ZDHHC17: variants seen among roughly 807,000 people sequenced by gnomAD.
ZDHHC17 encodes the protein zDHHC palmitoyltransferase 17.
ZDHHC17 carries 40 observed loss-of-function variants against 90.3 expected under a neutral mutation model. The ratio of observed to expected loss-of-function variants is 0.44; its 90% CI spans 0.34 to 0.58. The LOEUF is 0.58. ZDHHC17 is among the 20% of genes least tolerant of loss of function. The pLI, the probability that ZDHHC17 is intolerant of heterozygous loss-of-function variation, is 0.01. For synonymous variants in ZDHHC17, 235 were observed against 252.4 expected, an observed-to-expected ratio of 0.93 and a Z score of 0.65; for missense variants, 614 against 780.8, an observed-to-expected ratio of 0.79 and a Z score of 2.55.
At chr12:76,825,546 A>T (rs1953221038) in intron 8 of ZDHHC17, among the ~76,000 whole-genome samples, 1 of 152,152 alleles carries the variant, frequency 6.6e-6, no homozygotes, top group Non-Finnish European at 1.5e-5. Context: ...AAAGAATTGG[A>T]TTAGTTATTT....
intron 3 of ZDHHC17, among the ~76,000 whole-genome samples, chr12:76,808,670 G>T (rs905767766): frequency 6.6e-6 from 1 of 152,140 alleles, no homozygotes; most frequent in African/African-American, 2.4e-5. Context: ...GGCTTAAAAA[G>T]CTGAGCTACC....
intron 1 of ZDHHC17, among the ~76,000 whole-genome samples, chr12:76,779,570 C>T (rs1011690806): frequency 4.6e-5 from 7 of 152,124 alleles, no homozygotes; most frequent in South Asian, 4.1e-4. Context: ...TCCCATGACA[C>T]GTGGGAATTA....
At chr12:76,842,857 T>G in intron 11 of ZDHHC17, 62 bp from the exon 12 acceptor site, 1 of 1,209,432 alleles carries the variant, frequency 8.3e-7, no homozygotes, top group Non-Finnish European at 1.2e-6. Flanking sequence ...TTCATAGTGG[T>G]GGCAAAAGAG....
At chr12:76,850,741 T>G in intron 16 of ZDHHC17, 106 bp from the exon 17 acceptor site, 1 of 1,426,476 alleles carries the variant, frequency 7.0e-7, no homozygotes, top group Non-Finnish European at 9.4e-7. Context: ...TAACCTGAGT[T>G]TTTAAGTTTA....
intron 1 of ZDHHC17, among the ~76,000 whole-genome samples, chr12:76,769,531 T>C (rs141133106): frequency 5.9e-5 from 9 of 152,298 alleles, no homozygotes; most frequent in African/African-American, 2.2e-4. Context: ...TTTCTTCCCA[T>C]AGGTTACCTG....
At chr12:76,781,091 G>T (rs1043455634) in intron 1 of ZDHHC17, among the ~76,000 whole-genome samples, 1 of 134,750 alleles carries the variant, frequency 7.4e-6, no homozygotes, top group Non-Finnish European at 1.5e-5. Context: ...CCGAGATTGC[G>T]CCACTGCACT....
intron 7 of ZDHHC17, among the ~76,000 whole-genome samples, chr12:76,816,351 T>G (rs890516282): frequency 1.3e-5 from 2 of 152,058 alleles, no homozygotes; most frequent in Admixed American, 6.6e-5. Flanking sequence ...TCTAAACATT[T>G]AGAAATCAGT....
At chr12:76,838,150 C>CTT (rs1953391818) in intron 10 of ZDHHC17, among the ~76,000 whole-genome samples, 1 of 151,774 alleles carries the variant, frequency 6.6e-6, no homozygotes, top group South Asian at 2.1e-4. Context: ...TATGTTTAAG[C>CTT]TTTTATAGGA....
intron 1 of ZDHHC17, among the ~76,000 whole-genome samples, chr12:76,784,873 T>C (rs1952667421): frequency 6.6e-6 from 1 of 151,926 alleles, no homozygotes; most frequent in South Asian, 2.1e-4. Context: ...AATTCAGGAG[T>C]AAAGGTTGTG....
chr12:76,783,452 ACTGT>A (rs1283070495), intron 1 of ZDHHC17, among the ~76,000 whole-genome samples: 1 of 152,194 alleles, frequency 6.6e-6, no homozygotes, highest in East Asian at 1.9e-4. Flanking sequence ...AGATCTCATA[ACTGT>A]CTATTTATGA....
chr12:76,788,173 G>A (rs1195087408), intron 1 of ZDHHC17, among the ~76,000 whole-genome samples: 1 of 152,212 alleles, frequency 6.6e-6, no homozygotes, highest in Non-Finnish European at 1.5e-5. Flanking sequence ...CTCTCTAGAA[G>A]ATTGCCAGTC....
At chr12:76,792,660 A>C (rs753023902) in intron 1 of ZDHHC17, among the ~76,000 whole-genome samples, 1 of 152,118 alleles carries the variant, frequency 6.6e-6, no homozygotes, top group Non-Finnish European at 1.5e-5. Context: ...CTATTAAAAC[A>C]AACAAAAAAA....
At chr12:76,803,466 T>C (rs542781589) in intron 2 of ZDHHC17, among the ~76,000 whole-genome samples, 5 of 152,252 alleles carry the variant, frequency 3.3e-5, no homozygotes, top group South Asian at 2.1e-4. Context: ...TCTCGACTTA[T>C]ACCCACATCA....
chr12:76,827,272 A>G (rs1193113969), intron 9 of ZDHHC17, among the ~76,000 whole-genome samples: 1 of 152,160 alleles, frequency 6.6e-6, no homozygotes, highest in Non-Finnish European at 1.5e-5. Flanking sequence ...TTTTAACACT[A>G]AAACATAGTT....
intron 1 of ZDHHC17, among the ~76,000 whole-genome samples, chr12:76,792,979 C>T (rs995752191): frequency 6.6e-6 from 1 of 152,178 alleles, no homozygotes; most frequent in Non-Finnish European, 1.5e-5. Flanking sequence ...GGACCTTTTA[C>T]TGGATCATGA....
rs534150979 is a variant in ZDHHC17, at chr12:76,853,475, T to A, written c.*2490T>A. 1 of 152,714 alleles carries A rather than the reference T, an allele frequency of 6.5e-6. No homozygotes were observed. The highest frequency in any genetic ancestry group is 1.5e-5 in the Non-Finnish European group (1 of 67,990). 9.5% of individuals were successfully genotyped at this position (152,714 alleles called of 1,614,324 possible). The stretch of plus-strand genomic sequence containing the variant: ...TATTTTTGTTGTTTCCAGGAATTTA[T>A]TTGATATTAATGGGCGTAAAACAGC... On this transcript the variant is annotated 3_prime_UTR_variant, in exon 17 of 17. Transcript: ENST00000426126.
rs1953497921 is a variant in ZDHHC17, at chr12:76,846,603, C to T, written c.1431C>T (p.Gly477=). The change falls in exon 14 of 17, where the codon GGC becomes GGT. Residue 477 remains glycine, a synonymous_variant. Transcript: ENST00000426126. ...CPWVGNCVGA[G]NHRYFMGYLF... ...TTCTGTGTCGTTCTTCAGGTGCAGGCAACCATAGATATTTTATGGGCTACC... is the reference window on the plus strand; with the variant it reads ...TTCTGTGTCGTTCTTCAGGTGCAGGTAACCATAGATATTTTATGGGCTACC... The T allele has an allele frequency of 6.2e-7, 1 of 1,611,632 alleles. No homozygotes were observed. Among genetic ancestry groups the T allele is most frequent in the Non-Finnish European group, 8.5e-7 (1 of 1,178,628 alleles).
intron 1 of ZDHHC17, among the ~76,000 whole-genome samples, chr12:76,782,483 A>T (rs1032974756): frequency 1.3e-5 from 2 of 152,210 alleles, no homozygotes; most frequent in Non-Finnish European, 2.9e-5. Flanking sequence ...GTGTCCAGTG[A>T]TATTGAGTCA....
chr12:76,817,995 A>G (rs564850161), intron 7 of ZDHHC17, among the ~76,000 whole-genome samples: 16 of 152,200 alleles, frequency 1.1e-4, no homozygotes, highest in African/African-American at 3.4e-4. Flanking sequence ...GAGCTTTTAA[A>G]TTCATTTTTT....
Sources: allele counts gnomAD v4.1 joint callset (sites outside exome capture counted in the v4.1 genomes callset), GRCh38; gene constraint gnomAD v4.1.1; transcripts MANE v1.5; gene names NCBI Gene and HGNC (gene_info 2026-07-23, HGNC 2026-07-21).